Variants in EYS observed in about 807,000 individuals in gnomAD.
The protein encoded by EYS is protein eyes shut homolog.
EYS carries 250 observed loss-of-function variants against 282.1 expected under a neutral mutation model. The ratio of observed to expected loss-of-function variants is 0.89; its 90% CI spans 0.80 to 0.98. The LOEUF (loss-of-function observed/expected upper bound fraction) is 0.98, where lower values mean the gene tolerates loss of function less well. Among genes scored for constraint, EYS ranks in the 50% least tolerant of loss-of-function variants. The pLI is 0.00. For synonymous variants in EYS, 1,355 were observed against 1,282.9 expected, an observed-to-expected ratio of 1.06 and a Z score of -1.20; for missense variants, 4,016 against 3,709.0, an observed-to-expected ratio of 1.08 and a Z score of -2.15.
intron 14 of EYS, among the ~76,000 whole-genome samples, chr6:64,970,687 C>A (rs145589447): frequency 2.0e-5 from 3 of 152,096 alleles, no homozygotes; most frequent in Non-Finnish European, 4.4e-5. Context: ...TAGTACAATA[C>A]GTAAACCTTG....
chr6:65,704,780 T>A (rs2149855243), intron 1 of EYS, among the ~76,000 whole-genome samples: 1 of 152,290 alleles, frequency 6.6e-6, no homozygotes, highest in African/African-American at 2.4e-5. Flanking sequence ...GAAAGTAAAA[T>A]GCACCAAACC....
At chr6:65,372,409 G>A (rs1052588370) in intron 8 of EYS, among the ~76,000 whole-genome samples, 1 of 151,970 alleles carries the variant, frequency 6.6e-6, no homozygotes, top group South Asian at 2.1e-4. Context: ...GGAAAAGAAT[G>A]CCTGAATCAT....
chr6:65,206,470 C>T (rs577237329), intron 12 of EYS, among the ~76,000 whole-genome samples: 1 of 151,734 alleles, frequency 6.6e-6, no homozygotes, highest in African/African-American at 2.4e-5. Context: ...ACAAGAGCTG[C>T]TACCAATCTT....
intron 2 of EYS, among the ~76,000 whole-genome samples, chr6:65,596,919 GA>G (rs1765428754): frequency 6.6e-6 from 1 of 151,944 alleles, no homozygotes; most frequent in African/African-American, 2.4e-5. Context: ...ATTAATTAGG[GA>G]AATGATAGTC....
intron 14 of EYS, among the ~76,000 whole-genome samples, chr6:64,964,903 T>C (rs979107534): frequency 6.6e-6 from 1 of 151,718 alleles, no homozygotes; most frequent in Non-Finnish European, 1.5e-5. Context: ...TGTGGTGGCA[T>C]ACACCTGTAA....
At chr6:64,609,327 A>C (rs1467126292) in intron 24 of EYS, among the ~76,000 whole-genome samples, 1 of 152,184 alleles carries the variant, frequency 6.6e-6, no homozygotes, top group African/African-American at 2.4e-5. Context: ...GAATTGGGAT[A>C]GTGGGCAGGA....
At chr6:65,053,601 GT>G (rs1338740049) in intron 13 of EYS, among the ~76,000 whole-genome samples, 2 of 151,812 alleles carry the variant, frequency 1.3e-5, no homozygotes, top group African/African-American at 4.8e-5. Flanking sequence ...ATAGGTTATA[GT>G]TTGATCATTT....
chr6:64,462,942 A>ATTTT (rs58373990), intron 26 of EYS, among the ~76,000 whole-genome samples: 9 of 105,920 alleles, frequency 8.5e-5, no homozygotes, highest in East Asian at 2.9e-4. Flanking sequence ...CTCAGCTTTA[A>ATTTT]TTTTTTTTTT....
intron 26 of EYS, among the ~76,000 whole-genome samples, chr6:64,578,583 C>T (rs1162127075): frequency 3.3e-5 from 5 of 149,274 alleles, no homozygotes; most frequent in Admixed American, 3.3e-4. Flanking sequence ...ATCACATTCT[C>T]TTTCTCTCTC....
At chr6:65,009,849 G>A (rs560339311) in intron 13 of EYS, among the ~76,000 whole-genome samples, 1 of 152,178 alleles carries the variant, frequency 6.6e-6, no homozygotes, top group Non-Finnish European at 1.5e-5. Context: ...CCTCAGTCAG[G>A]AATGTATCCT....
At chr6:65,026,132 G>T (rs1315904129) in intron 13 of EYS, among the ~76,000 whole-genome samples, 1 of 152,002 alleles carries the variant, frequency 6.6e-6, no homozygotes, top group Non-Finnish European at 1.5e-5. Flanking sequence ...TTCTTCAGTC[G>T]CTTATTTTAT....
At chr6:65,260,145 C>A (rs1032522771) in intron 12 of EYS, among the ~76,000 whole-genome samples, 2 of 151,976 alleles carry the variant, frequency 1.3e-5, no homozygotes, top group Non-Finnish European at 2.9e-5. Context: ...CAAAAGGAGA[C>A]GTGCCTAGTG....
chr6:65,248,995 A>T (rs1181349781), intron 12 of EYS, among the ~76,000 whole-genome samples: 1 of 151,852 alleles, frequency 6.6e-6, no homozygotes, highest in East Asian at 1.9e-4. Flanking sequence ...TGTGATGTTG[A>T]GCATATCCAA....
At chr6:64,774,175 C>A (rs550893603) in intron 22 of EYS, among the ~76,000 whole-genome samples, 2 of 152,032 alleles carry the variant, frequency 1.3e-5, no homozygotes, top group East Asian at 3.9e-4. Flanking sequence ...CCCACGTGAT[C>A]CTGGTTGCAC....
intron 2 of EYS, among the ~76,000 whole-genome samples, chr6:65,585,100 C>T (rs1046878627): frequency 6.6e-6 from 1 of 151,488 alleles, no homozygotes; most frequent in African/African-American, 2.4e-5. Flanking sequence ...CTAAGACCAC[C>T]AGGAAAATAC....
At chr6:65,405,127 TA>T (rs765177583) in intron 6 of EYS, 46 bp downstream of exon 6, 41 of 1,374,706 alleles carry the variant, frequency 3.0e-5, no homozygotes, top group Non-Finnish European at 3.5e-5. Context: ...TTGGTAATAG[TA>T]AAAAAAATTT....
At chr6:63,769,199 A>AT (rs1361656186) in intron 40 of EYS, among the ~76,000 whole-genome samples, 1 of 152,072 alleles carries the variant, frequency 6.6e-6, no homozygotes, top group Non-Finnish European at 1.5e-5. Flanking sequence ...AAACCTGCAC[A>AT]TGGACACCCT....
At chr6:63,869,822 G>A (rs941523588) in intron 35 of EYS, among the ~76,000 whole-genome samples, 1 of 152,070 alleles carries the variant, frequency 6.6e-6, no homozygotes, top group African/African-American at 2.4e-5. Context: ...AGAAGGATAA[G>A]GTGTAGGGTA....
At chr6:64,092,378 A>T (rs541217891) in intron 31 of EYS, among the ~76,000 whole-genome samples, 2 of 152,298 alleles carry the variant, frequency 1.3e-5, no homozygotes, top group Admixed American at 1.3e-4. Context: ...ACAGAGTAAA[A>T]GTGTTCCTAT....
Sources: gnomAD v4.1 joint callset for allele counts (sites outside exome capture counted in the v4.1 genomes callset) on GRCh38, gnomAD v4.1.1 for gene constraint, MANE v1.5 for transcripts, NCBI Gene and HGNC (gene_info 2026-07-23, HGNC 2026-07-21) for gene names.